The following UBN1 variants were observed in gnomAD, a reference collection of about 807,000 sequenced individuals.
The protein encoded by UBN1 is ubinuclein-1.
Under a neutral mutation model 108.5 loss-of-function variants are expected in UBN1, and 17 were observed. The observed-to-expected ratio is 0.16, with a 90% CI of 0.11 to 0.24. The LOEUF (loss-of-function observed/expected upper bound fraction) is 0.24, where lower values mean the gene tolerates loss of function less well. UBN1 is among the 10% of genes least tolerant of loss of function. The pLI, the probability that UBN1 is intolerant of heterozygous loss-of-function variation, is 1.00. For synonymous variants in UBN1, 726 were observed against 564.2 expected (o/e 1.29, Z -4.07); for missense variants, 1,595 against 1,394.4 (o/e 1.14, Z -2.29).
rs57010062 is a variant in UBN1 at position 4,860,131 on chromosome 16, C to T, written c.671+163C>T. Among the ~76,000 whole-genome samples the T allele has an allele frequency of 2.3e-3, 352 of 152,334 alleles. 1 individual carries two copies. Among genetic ancestry groups the T allele is most frequent in the African/African-American group, 7.9e-3 (328 of 41,578 alleles). The stretch of plus-strand genomic sequence containing the variant: ...CAGTGCCATTCTGGGCATAGACGCT[C>T]ACCTCTCAGTGTGTCAGATAGTTCC... On this transcript the variant is annotated intron_variant, in intron 6 of 17. Transcript: ENST00000262376.
At chr16:4,875,505 C>T (rs1195983637) in intron 15 of UBN1, 71 bp downstream of exon 15, 6 of 1,533,084 alleles carry the variant, frequency 3.9e-6, no homozygotes, top group South Asian at 2.6e-5. Context: ...GCTTGCCTTG[C>T]CCCGGGTGGA....
chr16:4,869,950 T>C (rs1567934969), intron 8 of UBN1, among the ~76,000 whole-genome samples: 1 of 152,256 alleles, frequency 6.6e-6, no homozygotes, highest in Non-Finnish European at 1.5e-5. Flanking sequence ...TCAGAGCTTG[T>C]TCTCCTGGGC....
At chr16:4,866,593 A>G (rs1229441473) in intron 7 of UBN1, among the ~76,000 whole-genome samples, 2 of 152,076 alleles carry the variant, frequency 1.3e-5, no homozygotes, top group East Asian at 1.9e-4. Context: ...CCTTACTGCA[A>G]CCTCCACGCC....
chr16:4,874,196 T>A lies in UBN1; in HGVS notation c.1801-15T>A. Reference sequence around the variant, plus strand: ...TTGGACCTTTCTAAACATCAACATTTCTGTTTTCCTTTAGGAATCGTCTAC... The same window carrying A: ...TTGGACCTTTCTAAACATCAACATTACTGTTTTCCTTTAGGAATCGTCTAC... On this transcript the variant is annotated splice_polypyrimidine_tract_variant and intron_variant, in intron 14 of 17. Transcript: ENST00000262376. The A allele has an allele frequency of 6.5e-7, 1 of 1,531,274 alleles. No individual in the cohort carries two copies. Among genetic ancestry groups the A allele is most frequent in the Non-Finnish European group, 8.8e-7 (1 of 1,141,302 alleles). 94.9% of individuals were successfully genotyped at this position (1,531,274 alleles called of 1,614,324 possible).
At chr16:4,863,619 C>T (rs1468397814) in intron 7 of UBN1, among the ~76,000 whole-genome samples, 1 of 151,950 alleles carries the variant, frequency 6.6e-6, no homozygotes, top group South Asian at 2.1e-4. Flanking sequence ...TAATTTTCCC[C>T]CCCTTTTCCC....
intron 17 of UBN1, among the ~76,000 whole-genome samples, chr16:4,878,234 C>T (rs769179069): frequency 5.9e-5 from 9 of 152,294 alleles, no homozygotes; most frequent in Non-Finnish European, 1.2e-4. Flanking sequence ...TCCTGGAATT[C>T]TGGCATGGGA....
intron 8 of UBN1, among the ~76,000 whole-genome samples, chr16:4,869,480 C>G (rs1460235989): frequency 6.6e-6 from 1 of 152,222 alleles, no homozygotes; most frequent in African/African-American, 2.4e-5. Flanking sequence ...TGTGGCCTGG[C>G]CTGCAGTGTT....
chr16:4,852,938 C>G lies in UBN1; in HGVS notation c.21C>G (p.Val7=), dbSNP rs144891449. 4.6e-4 allele frequency: 743 copies of G among 1,614,126 alleles called. 4 individuals carry two copies. In the African/African-American group the frequency reaches 8.2e-3, roughly 18 times the overall value. ...TAGCCATGTCGGAGCCCCACAGGGT[C>G]CAGTTCACCTCTCTCCCAGGTTCCC... The part of the protein sequence containing the change: MSEPHR[V]QFTSLPGSLN... Residue 7 remains valine, a synonymous_variant, in exon 2 of 18, where the codon GTC becomes GTG. Coordinates refer to ENST00000262376, the MANE Select transcript of UBN1 (RefSeq NM_001079514.3).
In UBN1 at chr16:4,859,283, C is replaced by T. The variant is rs111721674; in HGVS notation, c.567+124C>T. The T allele has an allele frequency of 4.1e-5, 57 of 1,373,798 alleles. 2 individuals carry two copies. Among genetic ancestry groups the T allele is most frequent in the South Asian group, 3.7e-4 (27 of 72,290 alleles). The allele number at this position is 1,373,798 out of a possible 1,614,324, so 85.1% of individuals were successfully genotyped here. ...CAGGAGGATGGTGGAAAGGCAGAGC[C>T]GTGCCAGGTTGATGGCTCGCCTCTT... On this transcript the variant is annotated intron_variant, in intron 5 of 17. Transcript: ENST00000262376.
chr16:4,871,987 AG>A (rs539415175), intron 12 of UBN1, among the ~76,000 whole-genome samples: 54 of 152,302 alleles, frequency 3.5e-4, no homozygotes, highest in African/African-American at 1.2e-3. Flanking sequence ...TGCAGGTAGC[AG>A]GGCTGACTCC....
In UBN1 at chr16:4,859,172, T is replaced by C; in HGVS notation, c.567+13T>C. 1.2e-6 allele frequency: 2 copies of C among 1,608,996 alleles called. No individual in the cohort carries two copies. Among genetic ancestry groups the C allele is most frequent in the Non-Finnish European group, 1.7e-6 (2 of 1,179,050 alleles). Reference sequence around the variant, plus strand: ...AAAATCTCCAAAGGTTAGAATGTGCTTGCTTTTGGATTTCAGAAATGCTTT... The same window carrying C: ...AAAATCTCCAAAGGTTAGAATGTGCCTGCTTTTGGATTTCAGAAATGCTTT... On this transcript the variant is annotated intron_variant, in intron 5 of 17. Transcript: ENST00000262376.
intron 12 of UBN1, chr16:4,872,128 G>A (rs1270083627): frequency 1.7e-5 from 16 of 929,692 alleles, no homozygotes; most frequent in Non-Finnish European, 1.9e-5. Context: ...GATTGGACTC[G>A]AATCATCTGT....
rs952834107 is a variant in UBN1 at position 4,870,348 on chromosome 16, G to A, written c.1311+7G>A. On this transcript the variant is annotated splice_region_variant and intron_variant, in intron 9 of 17. Coordinates refer to ENST00000262376, the MANE Select transcript of UBN1 (RefSeq NM_001079514.3). Reference sequence around the variant, plus strand: ...ACTTCACCTCTATGAACAGGTGGGTGACTCTAGAGTGAAGCCCTTTGGCTT... The same window carrying A: ...ACTTCACCTCTATGAACAGGTGGGTAACTCTAGAGTGAAGCCCTTTGGCTT... 1 of 1,613,768 alleles carries A rather than the reference G, an allele frequency of 6.2e-7. No homozygotes were observed. The highest frequency in any genetic ancestry group is 1.7e-5 in the Admixed American group (1 of 59,966).
intron 14 of UBN1, 134 bp from the exon 15 acceptor site, chr16:4,874,077 C>A: frequency 1.8e-6 from 2 of 1,138,646 alleles, no homozygotes; most frequent in Non-Finnish European, 2.4e-6. Context: ...CCTGCTCTGT[C>A]CCACCACTTG....
At chr16:4,860,111 C>T in intron 6 of UBN1, 143 bp downstream of exon 6, 3 of 959,922 alleles carry the variant, frequency 3.1e-6, no homozygotes, top group Non-Finnish European at 4.6e-6. Flanking sequence ...TCCCGCAGTG[C>T]CATTCTGGGC....
intron 7 of UBN1, 45 bp from the exon 8 acceptor site, chr16:4,868,788 G>A: frequency 6.2e-7 from 1 of 1,601,638 alleles, no homozygotes; most frequent in Non-Finnish European, 8.5e-7. Flanking sequence ...TAAGGGACAT[G>A]TGGGGAAAGT....
rs117547842 is a variant in UBN1, at chr16:4,869,899, A to T, written c.1182-313A>T. On this transcript the variant is annotated intron_variant, in intron 8 of 17. Transcript: ENST00000262376. Reference sequence around the variant, plus strand: ...AACCCCAAGTAACTCATGACTTTCCACTTTGAAAGCTTTCATGTTTTCTCT... The same window carrying T: ...AACCCCAAGTAACTCATGACTTTCCTCTTTGAAAGCTTTCATGTTTTCTCT... Among the ~76,000 whole-genome samples, 1,209 of 152,230 alleles carry T rather than the reference A, an allele frequency of 7.9e-3. 5 individuals are homozygous for T. Among genetic ancestry groups the T allele is most frequent in the Non-Finnish European group, 0.014 (925 of 68,010 alleles).
rs532829946 is a variant in UBN1, at chr16:4,870,082, A to G, written c.1182-130A>G. Reference sequence around the variant, plus strand: ...GATGTGTTTCCTTGGGCATTCAGTTACATTGTGTGACCAACAAGACAGGGT... The same window carrying G: ...GATGTGTTTCCTTGGGCATTCAGTTGCATTGTGTGACCAACAAGACAGGGT... On this transcript the variant is annotated intron_variant, in intron 8 of 17. Transcript: ENST00000262376. The G allele has an allele frequency of 6.7e-5, 91 of 1,356,086 alleles. No individual in the cohort carries two copies. The Middle Eastern group carries it at 1.4e-3, about 21-fold the overall frequency. The allele number at this position is 1,356,086 out of a possible 1,614,324, so 84.0% of individuals were successfully genotyped here.
At chr16:4,853,291 C>T in intron 2 of UBN1, 125 bp downstream of exon 2, 2 of 1,332,514 alleles carry the variant, frequency 1.5e-6, no homozygotes, top group Non-Finnish European at 2.0e-6. Context: ...GATCCTGTCA[C>T]TCACTCAAGG....
Sources: allele counts gnomAD v4.1 joint callset (sites outside exome capture counted in the v4.1 genomes callset), GRCh38; gene constraint gnomAD v4.1.1; transcripts MANE v1.5; gene names NCBI Gene and HGNC (gene_info 2026-07-23, HGNC 2026-07-21).